ATXN7: variants seen among roughly 807,000 people sequenced by gnomAD.
ATXN7 encodes the protein ataxin 7, also known as ataxin-7.
In ATXN7, 12 loss-of-function variants were observed where a neutral mutation model predicts 70.5. The ratio of observed to expected loss-of-function variants is 0.17; its 90% confidence interval spans 0.11 to 0.28. The LOEUF is 0.28. Ranked by LOEUF, ATXN7 falls within the 10% of genes least tolerant of loss-of-function variation. ATXN7 has a pLI of 1.00. For synonymous variants in ATXN7, 498 were observed against 448.7 expected (o/e 1.11, Z -1.39); for missense variants, 1,256 against 1,131.7 (o/e 1.11, Z -1.58).
chr3:63,938,409 T>C (rs749962799), intron 4 of ATXN7, among the ~76,000 whole-genome samples: 1 of 152,192 alleles, frequency 6.6e-6, no homozygotes, highest in Non-Finnish European at 1.5e-5. Flanking sequence ...CTTTGTAATA[T>C]TAAGAAGGAT....
intron 1 of ATXN7, among the ~76,000 whole-genome samples, chr3:63,879,631 A>G (rs1439248443): frequency 1.3e-5 from 2 of 151,714 alleles, no homozygotes; most frequent in Non-Finnish European, 2.9e-5. Context: ...AGCTGGGATT[A>G]CAGGCGTGTG....
At chr3:63,895,445 A>G (rs1309527983) in intron 1 of ATXN7, among the ~76,000 whole-genome samples, 1 of 151,690 alleles carries the variant, frequency 6.6e-6, no homozygotes, top group Non-Finnish European at 1.5e-5. Context: ...TTTATAACAC[A>G]TTCTGGTGAT....
At chr3:63,905,774 G>GCATA (rs1703818454) in intron 2 of ATXN7, 1 of 152,192 alleles carries the variant, frequency 6.6e-6, no homozygotes, top group South Asian at 2.1e-4. Flanking sequence ...AGACGTGGGG[G>GCATA]CATAGTAGGA....
At chr3:63,927,487 A>G (rs1293243986) in intron 4 of ATXN7, among the ~76,000 whole-genome samples, 1 of 152,236 alleles carries the variant, frequency 6.6e-6, no homozygotes, top group Non-Finnish European at 1.5e-5. Flanking sequence ...GGAGGGAGAT[A>G]ACATTCACGG....
intron 4 of ATXN7, among the ~76,000 whole-genome samples, 165 bp from the exon 5 acceptor site, chr3:63,952,214 A>G (rs2074966793): frequency 6.6e-6 from 1 of 152,202 alleles, no homozygotes; most frequent in Admixed American, 6.5e-5. Context: ...GTGTGTCTGT[A>G]AGCCTGATTT....
In ATXN7 at chr3:63,990,828, G is replaced by C. The variant is rs772355629; in HGVS notation, c.1651G>C (p.Val551Leu). ...ACTTCGCTGCGCCCTCAACCTCATG[G>C]TGGAGAAGCATCTGAATGCACAGCT... ...NRLRCALNLM[V>L]EKHLNAQLWK... The change falls in exon 11 of 13, where the codon GTG (valine) becomes CTG (leucine). Residue 551 changes from valine to leucine, a missense_variant. By Grantham distance (32) the Val-to-Leu change is conservative. Coordinates refer to ENST00000674280, the MANE Select transcript of ATXN7 (RefSeq NM_001377405.1). 1.9e-6 allele frequency: 3 copies of C among 1,614,242 alleles called. No individual in the cohort carries two copies. The highest frequency in any genetic ancestry group is 1.7e-6 in the Non-Finnish European group (2 of 1,180,044).
At chr3:63,913,099 T>A (rs1704122030) in intron 3 of ATXN7, 58 bp from the exon 4 acceptor site, 2 of 1,542,542 alleles carry the variant, frequency 1.3e-6, no homozygotes, top group South Asian at 1.1e-5. Flanking sequence ...TGAGTGTGCG[T>A]CACACTCCTG....
intron 11 of ATXN7, among the ~76,000 whole-genome samples, chr3:63,993,890 G>T (rs2075712647): frequency 6.6e-6 from 1 of 152,170 alleles, no homozygotes; most frequent in East Asian, 1.9e-4. Flanking sequence ...TCACCCAGGG[G>T]CCTTGTTGCC....
At chr3:63,901,697 A>G (rs911027632) in intron 2 of ATXN7, 2 of 152,258 alleles carry the variant, frequency 1.3e-5, no homozygotes, top group African/African-American at 2.4e-5. Flanking sequence ...CCTTCCCTCC[A>G]GAGTGCTTGG....
intron 2 of ATXN7, among the ~76,000 whole-genome samples, chr3:63,911,189 A>G (rs961786080): frequency 3.3e-5 from 5 of 152,240 alleles, no homozygotes; most frequent in Non-Finnish European, 7.3e-5. Context: ...CTCAGGCTTC[A>G]AATTTTCACA....
Position 63,937,255 on chromosome 3 carries a change from C to G in ATXN7, c.395-15124C>G, listed in dbSNP as rs536818526. Among the ~76,000 whole-genome samples, 10 of 152,278 alleles carry G rather than the reference C, an allele frequency of 6.6e-5. 1 individual carries two copies. The South Asian group carries it at 1.9e-3, about 28-fold the overall frequency. Reference sequence around the variant, plus strand: ...TAACAAAAATAAAATAGACCAAAGGCTTAGTAGGGGAAAAGAATAGTTTCT... The same window carrying G: ...TAACAAAAATAAAATAGACCAAAGGGTTAGTAGGGGAAAAGAATAGTTTCT... On this transcript the variant is annotated intron_variant, in intron 4 of 12. Transcript: ENST00000674280.
chr3:63,884,269 ACTCT>A (rs376194776), intron 1 of ATXN7, among the ~76,000 whole-genome samples: 187 of 149,968 alleles, frequency 1.2e-3, no homozygotes, highest in African/African-American at 2.7e-3. Context: ...ACACTCATTC[ACTCT>A]CTCTCTCTCC....
intron 12 of ATXN7, chr3:63,998,510 TAGA>T: frequency 3.0e-6 from 3 of 985,414 alleles, no homozygotes; most frequent in Non-Finnish European, 3.6e-6. Flanking sequence ...TATGTCTTAC[TAGA>T]ACAACACAGA....
chr3:63,954,980 A>T (rs566312384), intron 5 of ATXN7, among the ~76,000 whole-genome samples: 76 of 152,294 alleles, frequency 5.0e-4, no homozygotes, highest in African/African-American at 1.8e-3. Context: ...AAGTACAGGG[A>T]ATATAGGCAT....
chr3:63,964,363 AGT>A (rs1307556702), intron 5 of ATXN7, among the ~76,000 whole-genome samples: 4 of 152,094 alleles, frequency 2.6e-5, no homozygotes, highest in Admixed American at 2.6e-4. Flanking sequence ...CATAATTTTG[AGT>A]GTGATTAATT....
chr3:63,892,147 CT>C (rs1443779899), intron 1 of ATXN7, among the ~76,000 whole-genome samples: 2 of 152,082 alleles, frequency 1.3e-5, no homozygotes, highest in Non-Finnish European at 2.9e-5. Context: ...TAAGTATGGC[CT>C]CAGAGTAAAA....
chr3:63,894,160 A>G (rs1045823162), intron 1 of ATXN7, among the ~76,000 whole-genome samples: 2 of 152,198 alleles, frequency 1.3e-5, no homozygotes, highest in African/African-American at 2.4e-5. Flanking sequence ...CCAGCTGAGT[A>G]CTTTGGAAAT....
intron 5 of ATXN7, among the ~76,000 whole-genome samples, chr3:63,960,245 G>A (rs1045953879): frequency 6.6e-6 from 1 of 152,176 alleles, no homozygotes; most frequent in African/African-American, 2.4e-5. Context: ...TTGGCAGAAA[G>A]GCCAGTGAGG....
intron 4 of ATXN7, among the ~76,000 whole-genome samples, chr3:63,926,070 T>C (rs906085109): frequency 1.3e-5 from 2 of 152,246 alleles, no homozygotes; most frequent in African/African-American, 4.8e-5. Context: ...AGTGGAATTT[T>C]AAAATGTACT....
Sources: allele counts gnomAD v4.1 joint callset (sites outside exome capture counted in the v4.1 genomes callset), GRCh38; gene constraint gnomAD v4.1.1; transcripts MANE v1.5; gene names NCBI Gene and HGNC (gene_info 2026-07-23, HGNC 2026-07-21).